The following NAALADL2 variants were observed in gnomAD, a reference collection of about 807,000 sequenced individuals.
NAALADL2 encodes N-acetylated alpha-linked acidic dipeptidase like 2.
NAALADL2 carries 76 observed loss-of-function variants against 87.2 expected under a neutral mutation model. That is an observed-to-expected ratio of 0.87 (90% CI 0.72 to 1.05). The LOEUF (loss-of-function observed/expected upper bound fraction) is 1.05, where lower values mean the gene tolerates loss of function less well. NAALADL2 is among the 50% of genes least tolerant of loss of function. NAALADL2 has a pLI of 0.00. For missense variants in NAALADL2, 1,089 were observed against 945.8 expected, an observed-to-expected ratio of 1.15 and a Z score of -1.99; for synonymous variants, 354 against 331.0, an observed-to-expected ratio of 1.07 and a Z score of -0.75.
chr3:174,470,699 T>C (rs530780575), intron 1 of NAALADL2, among the ~76,000 whole-genome samples: 1 of 152,264 alleles, frequency 6.6e-6, no homozygotes, highest in East Asian at 1.9e-4. Flanking sequence ...GCAGCCAGTT[T>C]TCCCATCACC....
intron 1 of NAALADL2, among the ~76,000 whole-genome samples, chr3:175,006,336 A>G (rs9811667): frequency 0.019 from 2,877 of 152,142 alleles, 53 homozygotes; most frequent in African/African-American, 0.052. Context: ...TCTTGTTTCT[A>G]TATACTATAC....
At chr3:174,594,999 G>C (rs1286278187) in intron 2 of NAALADL2, among the ~76,000 whole-genome samples, 3 of 152,058 alleles carry the variant, frequency 2.0e-5, no homozygotes, top group Admixed American at 6.5e-5. Flanking sequence ...TTCATTACTT[G>C]ATCATGTCTT....
At chr3:175,487,582 T>C (rs1384281069) in intron 9 of NAALADL2, 2 of 454,554 alleles carry the variant, frequency 4.4e-6, no homozygotes, top group African/African-American at 2.0e-5. Context: ...AGAGCTCTTA[T>C]ATGAAGAGAA....
At chr3:174,446,547 C>T (rs898925330) in intron 1 of NAALADL2, among the ~76,000 whole-genome samples, 1 of 152,078 alleles carries the variant, frequency 6.6e-6, no homozygotes, top group African/African-American at 2.4e-5. Flanking sequence ...AATAATGCAT[C>T]CCTAAGTGAT....
chr3:174,921,389 ATGT>A (rs2108355156), intron 1 of NAALADL2, among the ~76,000 whole-genome samples: 1 of 152,338 alleles, frequency 6.6e-6, no homozygotes, highest in East Asian at 1.9e-4. Context: ...TTATATGATT[ATGT>A]AATCTTTTGC....
At chr3:175,519,795 A>C (rs1560693866) in intron 9 of NAALADL2, among the ~76,000 whole-genome samples, 1 of 152,194 alleles carries the variant, frequency 6.6e-6, no homozygotes, top group Non-Finnish European at 1.5e-5. Context: ...ATTAAAATAC[A>C]ATGCTTCTGG....
At chr3:175,032,584 C>CT (rs999033282) in intron 1 of NAALADL2, among the ~76,000 whole-genome samples, 4 of 151,820 alleles carry the variant, frequency 2.6e-5, no homozygotes, top group South Asian at 2.1e-4. Context: ...AACAGCCAGC[C>CT]TTTTTTTTAT....
intron 5 of NAALADL2, among the ~76,000 whole-genome samples, chr3:175,412,089 A>C (rs994572672): frequency 1.3e-5 from 2 of 152,232 alleles, no homozygotes; most frequent in Non-Finnish European, 2.9e-5. Context: ...GATTCTGGCT[A>C]GCAGTCACTT....
intron 1 of NAALADL2, among the ~76,000 whole-genome samples, chr3:174,998,601 A>T (rs1218296892): frequency 6.6e-6 from 1 of 152,150 alleles, no homozygotes; most frequent in Non-Finnish European, 1.5e-5. Context: ...AAATCCATGT[A>T]ACCATTGCAC....
At chr3:174,809,124 C>A (rs1185260232) in intron 3 of NAALADL2, among the ~76,000 whole-genome samples, 1 of 151,860 alleles carries the variant, frequency 6.6e-6, no homozygotes, top group Non-Finnish European at 1.5e-5. Flanking sequence ...GTGTAGAAAT[C>A]AATTGAAAAA....
intron 3 of NAALADL2, among the ~76,000 whole-genome samples, chr3:174,815,738 A>G (rs1175968584): frequency 6.6e-6 from 1 of 152,218 alleles, no homozygotes; most frequent in Non-Finnish European, 1.5e-5. Context: ...TTATAAAAAT[A>G]CAAAATGTGA....
At chr3:175,220,039 A>AT (rs1743123350) in intron 2 of NAALADL2, among the ~76,000 whole-genome samples, 1 of 151,528 alleles carries the variant, frequency 6.6e-6, no homozygotes, top group Non-Finnish European at 1.5e-5. Context: ...AGAATGTTTG[A>AT]TTTTTGAATG....
At chr3:175,694,292 T>A (rs939601288) in intron 11 of NAALADL2, among the ~76,000 whole-genome samples, 1 of 152,174 alleles carries the variant, frequency 6.6e-6, no homozygotes, top group Non-Finnish European at 1.5e-5. Flanking sequence ...TTTAAGTTAA[T>A]CCTCTTGCAG....
At chr3:174,825,135 T>C (rs1191967761) in intron 3 of NAALADL2, among the ~76,000 whole-genome samples, 1 of 152,200 alleles carries the variant, frequency 6.6e-6, no homozygotes, top group Admixed American at 6.5e-5. Context: ...CAGATATTTA[T>C]AAAAGGAGAA....
intron 4 of NAALADL2, 188 bp downstream of exon 4, chr3:175,256,718 T>A: frequency 2.4e-6 from 1 of 414,742 alleles, no homozygotes. Context: ...CATTTTAATT[T>A]AAGATATTTA....
intron 1 of NAALADL2, among the ~76,000 whole-genome samples, chr3:174,873,018 C>T (rs764245368): frequency 1.2e-4 from 19 of 152,008 alleles, no homozygotes; most frequent in Non-Finnish European, 2.5e-4. Context: ...TAATTTTCAC[C>T]CATTTCTTCT....
At chr3:174,768,262 TC>T (rs1176687185) in intron 3 of NAALADL2, among the ~76,000 whole-genome samples, 1 of 152,190 alleles carries the variant, frequency 6.6e-6, no homozygotes, top group African/African-American at 2.4e-5. Flanking sequence ...TATCATGAAT[TC>T]TTTTATACTT....
intron 3 of NAALADL2, among the ~76,000 whole-genome samples, chr3:174,770,424 C>T (rs376820439): frequency 6.6e-6 from 1 of 152,102 alleles, no homozygotes; most frequent in Non-Finnish European, 1.5e-5. Flanking sequence ...TGTTACTTCT[C>T]ATTTGTGAAT....
intron 1 of NAALADL2, among the ~76,000 whole-genome samples, chr3:174,451,504 T>C (rs1715477385): frequency 6.6e-6 from 1 of 152,228 alleles, no homozygotes; most frequent in African/African-American, 2.4e-5. Context: ...TTTCTTAGCA[T>C]GTATCCAATT....
Sources: allele counts gnomAD v4.1 joint callset (sites outside exome capture counted in the v4.1 genomes callset), GRCh38; gene constraint gnomAD v4.1.1; transcripts MANE v1.5; gene names NCBI Gene and HGNC (gene_info 2026-07-23, HGNC 2026-07-21).